Variants in RNF138 observed in about 807,000 individuals in gnomAD.
RNF138 encodes the protein E3 ubiquitin-protein ligase RNF138.
In RNF138, 12 loss-of-function variants were observed where a neutral mutation model predicts 31.0. The ratio of observed to expected loss-of-function variants is 0.39; its 90% CI spans 0.25 to 0.63. The LOEUF is 0.63. Among genes scored for constraint, RNF138 ranks in the 20% least tolerant of loss-of-function variants. The pLI is 0.52. For synonymous variants in RNF138, 105 were observed against 99.5 expected (o/e 1.06, Z -0.33); for missense variants, 192 against 300.1 (o/e 0.64, Z 2.66).
rs1213778233 is a variant in RNF138, at chr18:32,131,456, A to G, written c.*2269A>G. 1.3e-5 allele frequency: 2 copies of G among 152,134 alleles called. No individual in the cohort carries two copies. The highest frequency in any genetic ancestry group is 2.1e-4 in the South Asian group (1 of 4,838). The allele number at this position is 152,134 out of a possible 1,614,324, so 9.4% of individuals were successfully genotyped here. A position where few individuals can be genotyped will look rare whatever the true frequency, so the allele number is the denominator to read the frequency against. On this transcript the variant is annotated 3_prime_UTR_variant, in exon 8 of 8. Transcript: ENST00000261593. The stretch of plus-strand genomic sequence containing the variant: ...GATACTCCAATACCTAAATTTCACA[A>G]TACCACTTAGGAAAGCTATTTCAAC...
intron 2 of RNF138, among the ~76,000 whole-genome samples, chr18:32,097,148 T>C (rs1288766201): frequency 2.0e-5 from 3 of 152,232 alleles, no homozygotes; most frequent in Non-Finnish European, 2.9e-5. Context: ...TTTATCTCTT[T>C]TGGTGTTTTA....
At chr18:32,095,364 GC>G (rs1482689166) in intron 2 of RNF138, among the ~76,000 whole-genome samples, 1 of 151,988 alleles carries the variant, frequency 6.6e-6, no homozygotes, top group East Asian at 1.9e-4. Context: ...TAGAGACAGG[GC>G]CTCACTACGT....
Position 32,092,684 on chromosome 18 carries a change from C to T in RNF138, c.-77-16C>T, listed in dbSNP as rs771872858. The T allele has an allele frequency of 9.4e-6, 7 of 744,136 alleles. No individual in the cohort carries two copies. The highest frequency in any genetic ancestry group is 1.7e-5 in the African/African-American group (1 of 57,542). 46.1% of individuals were successfully genotyped at this position (744,136 alleles called of 1,614,324 possible). A position where few individuals can be genotyped will look rare whatever the true frequency, so the allele number is the denominator to read the frequency against. On this transcript the variant is annotated splice_polypyrimidine_tract_variant and intron_variant, in intron 1 of 7. Transcript: ENST00000261593. ...TATCCTGATGCGATCCCCCTCCCCCCTCCGGGTTCATGTAGGGAGTCGGGC... is the reference window on the plus strand; with the variant it reads ...TATCCTGATGCGATCCCCCTCCCCCTTCCGGGTTCATGTAGGGAGTCGGGC...
chr18:32,111,710 G>A (rs2040134068), intron 2 of RNF138, 44 bp from the exon 3 acceptor site: 4 of 1,480,110 alleles, frequency 2.7e-6, no homozygotes, highest in Non-Finnish European at 3.7e-6. Context: ...GAGATGAAGA[G>A]AGTAATTTTT....
intron 3 of RNF138, among the ~76,000 whole-genome samples, chr18:32,112,826 G>T (rs976043205): frequency 2.0e-5 from 3 of 152,160 alleles, no homozygotes; most frequent in Non-Finnish European, 4.4e-5. Flanking sequence ...AAATAGAGAG[G>T]GGTGGTTAGG....
intron 3 of RNF138, among the ~76,000 whole-genome samples, chr18:32,112,978 AACTG>A (rs1225086795): frequency 2.0e-5 from 3 of 151,626 alleles, no homozygotes; most frequent in Non-Finnish European, 1.5e-5. Flanking sequence ...GGAAGTGTTT[AACTG>A]ACAGGGCAAT....
Position 32,131,076 on chromosome 18 carries a change from T to C in RNF138, c.*1889T>C, listed in dbSNP as rs2040469304. 1 of 62,706 alleles carries C rather than the reference T, an allele frequency of 1.6e-5. No individual in the cohort carries two copies. The highest frequency in any genetic ancestry group is 3.3e-5 in the Non-Finnish European group (1 of 30,386). The allele number at this position is 62,706 out of a possible 1,614,324, so 3.9% of individuals were successfully genotyped here. The stretch of plus-strand genomic sequence containing the variant: ...AAACCATTCTGGGATTTGCAAAGTT[T>C]AATACATCCAATATGTCAAGTTAAA... On this transcript the variant is annotated 3_prime_UTR_variant, in exon 8 of 8. Coordinates refer to ENST00000261593, the MANE Select transcript of RNF138 (RefSeq NM_016271.5).
At chr18:32,103,174 G>A (rs981976335) in intron 2 of RNF138, among the ~76,000 whole-genome samples, 1 of 151,872 alleles carries the variant, frequency 6.6e-6, no homozygotes, top group African/African-American at 2.4e-5. Context: ...TTCAGCATTT[G>A]TTTATTTTTC....
At position 32,105,918 on chromosome 18, in the gene RNF138, A is replaced by G. The variant is rs1183267771; in HGVS notation, c.111-5836A>G. Reference sequence around the variant, plus strand: ...ACAAATGGTAGCTGAAGCAAAGCACATCAAAACATAGCTGAATATAACAAA... The same window carrying G: ...ACAAATGGTAGCTGAAGCAAAGCACGTCAAAACATAGCTGAATATAACAAA... On this transcript the variant is annotated intron_variant, in intron 2 of 7. Transcript: ENST00000261593. Among the ~76,000 whole-genome samples, 4 of 152,212 alleles carry G rather than the reference A, an allele frequency of 2.6e-5. No individual in the cohort carries two copies. The East Asian group carries it at 5.8e-4, about 22-fold the overall frequency.
At chr18:32,114,219 C>T (rs1214455575) in intron 4 of RNF138, among the ~76,000 whole-genome samples, 2 of 152,028 alleles carry the variant, frequency 1.3e-5, no homozygotes. Flanking sequence ...CAAACTACAA[C>T]CTGTTTTTTC....
At chr18:32,093,849 A>G (rs2039754925) in intron 2 of RNF138, among the ~76,000 whole-genome samples, 1 of 152,242 alleles carries the variant, frequency 6.6e-6, no homozygotes, top group African/African-American at 2.4e-5. Flanking sequence ...TGATGATCAG[A>G]GTCCCCGGGG....
chr18:32,102,497 G>A (rs1568227593), intron 2 of RNF138, among the ~76,000 whole-genome samples: 1 of 151,874 alleles, frequency 6.6e-6, no homozygotes, highest in African/African-American at 2.4e-5. Context: ...CACTGTGCCT[G>A]GCCCTTTTTT....
rs776604820 is a variant in RNF138, at chr18:32,092,902, C to T, written c.110+16C>T. 1.4e-6 allele frequency: 2 copies of T among 1,440,226 alleles called. No homozygotes were observed. The highest frequency in any genetic ancestry group is 9.4e-7 in the Non-Finnish European group (1 of 1,068,004). 89.2% of individuals were successfully genotyped at this position (1,440,226 alleles called of 1,614,324 possible). A position where few individuals can be genotyped will look rare whatever the true frequency, so the allele number is the denominator to read the frequency against. On this transcript the variant is annotated intron_variant, in intron 2 of 7. Transcript: ENST00000261593. Reference sequence around the variant, plus strand: ...GTCAGCACGTGTGAGTAGACGCCCCCTCCCCCTCGCGGAGCCGGGTTGTCG... The same window carrying T: ...GTCAGCACGTGTGAGTAGACGCCCCTTCCCCCTCGCGGAGCCGGGTTGTCG...
chr18:32,124,965 A>G, intron 6 of RNF138, 120 bp downstream of exon 6: 3 of 600,828 alleles, frequency 5.0e-6, no homozygotes, highest in Non-Finnish European at 9.0e-6. Context: ...ATTATCAGTA[A>G]GGTAGATTTT....
chr18:32,108,632 T>C (rs2040075403), intron 2 of RNF138, among the ~76,000 whole-genome samples: 1 of 152,146 alleles, frequency 6.6e-6, no homozygotes. Context: ...CTATGAACTT[T>C]CTAGCAAATT....
intron 7 of RNF138, among the ~76,000 whole-genome samples, chr18:32,128,021 A>C (rs931116024): frequency 6.6e-6 from 1 of 152,228 alleles, no homozygotes; most frequent in South Asian, 2.1e-4. Context: ...CAGAGCTTGC[A>C]GTGCGTGAAG....
At chr18:32,094,119 T>C (rs1444706731) in intron 2 of RNF138, among the ~76,000 whole-genome samples, 4 of 152,112 alleles carry the variant, frequency 2.6e-5, no homozygotes, top group African/African-American at 9.7e-5. Context: ...AAAAACACAC[T>C]CAGGCTTGAA....
At chr18:32,128,571 A>G (rs1232044802) in intron 7 of RNF138, among the ~76,000 whole-genome samples, 1 of 152,156 alleles carries the variant, frequency 6.6e-6, no homozygotes, top group Non-Finnish European at 1.5e-5. Flanking sequence ...AATTCAATAA[A>G]TGCTTGTTTT....
intron 5 of RNF138, chr18:32,124,092 A>T (rs2040349138): frequency 6.6e-6 from 1 of 152,618 alleles, no homozygotes; most frequent in African/African-American, 2.4e-5. Flanking sequence ...ATTCTCTTTC[A>T]CTGTGGTCAG....
Sources: allele counts gnomAD v4.1 joint callset (sites outside exome capture counted in the v4.1 genomes callset), GRCh38; gene constraint gnomAD v4.1.1; transcripts MANE v1.5; gene names NCBI Gene and HGNC (gene_info 2026-07-23, HGNC 2026-07-21).